NOL4L: variants seen among roughly 807,000 people sequenced by gnomAD.
The protein encoded by NOL4L is nucleolar protein 4-like.
A neutral mutation model predicts 64.5 loss-of-function variants in NOL4L; 7 were observed. The ratio of observed to expected loss-of-function variants is 0.11; its 90% CI spans 0.06 to 0.20. The LOEUF is 0.20. Ranked by LOEUF, NOL4L falls within the 10% of genes least tolerant of loss-of-function variation. The pLI is 1.00. For synonymous variants in NOL4L, 413 were observed against 401.0 expected (o/e 1.03, Z -0.36); for missense variants, 680 against 967.1 (o/e 0.70, Z 3.94).
At chr20:32,475,931 G>T (rs961141753) in intron 4 of NOL4L, among the ~76,000 whole-genome samples, 2 of 152,298 alleles carry the variant, frequency 1.3e-5, no homozygotes, top group Non-Finnish European at 2.9e-5. Flanking sequence ...GGCTGGTAGG[G>T]AGTTTCCTGG....
intron 4 of NOL4L, 121 bp downstream of exon 4, chr20:32,511,226 A>G: frequency 1.5e-6 from 1 of 647,796 alleles, no homozygotes; most frequent in Non-Finnish European, 2.7e-6. Context: ...TAACCAGATA[A>G]GGGCCTCTTT....
At chr20:32,515,469 G>C (rs2017611584) in intron 3 of NOL4L, among the ~76,000 whole-genome samples, 1 of 152,254 alleles carries the variant, frequency 6.6e-6, no homozygotes, top group Non-Finnish European at 1.5e-5. Context: ...GAGGAGAAAA[G>C]CAGGCAAGCT....
Position 32,453,198 on chromosome 20 carries a change from G to A in NOL4L, c.1497+106C>T, listed in dbSNP as rs2013111435. 2.7e-6 allele frequency: 4 copies of A among 1,454,822 alleles called. No individual in the cohort carries two copies. The highest frequency in any genetic ancestry group is 2.1e-5 in the Admixed American group (1 of 47,388). 90.1% of individuals were successfully genotyped at this position (1,454,822 alleles called of 1,614,324 possible). A position where few individuals can be genotyped will look rare whatever the true frequency, so the allele number is the denominator to read the frequency against. Reference sequence around the variant, plus strand: ...CAGGGATTATGGTACTTGCTTCCAGGGCTCCTGGGAAGACCCTGGGTGAAG... The same window carrying A: ...CAGGGATTATGGTACTTGCTTCCAGAGCTCCTGGGAAGACCCTGGGTGAAG... On this transcript the variant is annotated intron_variant, in intron 8 of 10. Coordinates refer to ENST00000621426, the MANE Select transcript of NOL4L (RefSeq NM_001256798.2). This position sits in a 1 kb window ranked among gnomAD's most constrained non-coding sequence, Gnocchi z 5.6.
In NOL4L at chr20:32,454,000, A is replaced by C. The variant is rs569129699; in HGVS notation, c.1120-239T>G. On this transcript the variant is annotated intron_variant, in intron 6 of 10. Transcript: ENST00000621426. The surrounding 1 kb of genome is among the most constrained non-coding windows in gnomAD (Gnocchi z 5.6). ...TGCCGCAGGGAGGACCGACTGCAATAGTGTATGCAGAGACCTGGTTCCCGG... is the reference window on the plus strand; with the variant it reads ...TGCCGCAGGGAGGACCGACTGCAATCGTGTATGCAGAGACCTGGTTCCCGG... 1 of 542,528 alleles carries C rather than the reference A, an allele frequency of 1.8e-6. No individual in the cohort carries two copies. Among genetic ancestry groups the C allele is most frequent in the Non-Finnish European group, 3.3e-6 (1 of 300,654 alleles). The allele number at this position is 542,528 out of a possible 1,614,324, so 33.6% of individuals were successfully genotyped here. A position where few individuals can be genotyped will look rare whatever the true frequency, so the allele number is the denominator to read the frequency against.
intron 4 of NOL4L, among the ~76,000 whole-genome samples, chr20:32,498,474 C>T (rs1021324737): frequency 5.3e-5 from 8 of 151,768 alleles, no homozygotes; most frequent in African/African-American, 1.9e-4. Flanking sequence ...TAGAAATGCC[C>T]TATTTTCACA....
chr20:32,505,185 C>T (rs1472697173), intron 4 of NOL4L, among the ~76,000 whole-genome samples: 2 of 152,170 alleles, frequency 1.3e-5, no homozygotes, highest in African/African-American at 4.8e-5. Context: ...CTCACAGTAA[C>T]CCATTAACAC....
intron 1 of NOL4L, among the ~76,000 whole-genome samples, chr20:32,556,873 C>T (rs531258847): frequency 3.3e-5 from 5 of 152,358 alleles, no homozygotes; most frequent in South Asian, 2.1e-4. Context: ...CCTCGCCACA[C>T]GGCCACCTTG....
At chr20:32,576,112 C>G (rs6119267) in intron 1 of NOL4L, among the ~76,000 whole-genome samples, 78,265 of 152,098 alleles carry the variant, frequency 0.51, 24,315 homozygotes, top group East Asian at 0.94. Context: ...CTGGGAAGGC[C>G]TTGGCTCTTG....
At chr20:32,577,700 C>T (rs1442638037) in intron 1 of NOL4L, among the ~76,000 whole-genome samples, 1 of 152,300 alleles carries the variant, frequency 6.6e-6, no homozygotes, top group African/African-American at 2.4e-5. Flanking sequence ...AAAGAAAAAG[C>T]CTTCTCTGTT....
intron 5 of NOL4L, among the ~76,000 whole-genome samples, chr20:32,471,548 G>A (rs934325928): frequency 6.6e-6 from 1 of 152,226 alleles, no homozygotes; most frequent in Non-Finnish European, 1.5e-5. Flanking sequence ...ATCCACAGCT[G>A]TAGATCTGTG....
intron 4 of NOL4L, among the ~76,000 whole-genome samples, chr20:32,499,738 CAAA>C (rs10692885): frequency 7.8e-5 from 4 of 51,330 alleles, no homozygotes; most frequent in Admixed American, 4.1e-4. Context: ...GACCTTGTCT[CAAA>C]AAAAAAAAAA....
At chr20:32,560,085 T>G (rs941860146) in intron 1 of NOL4L, among the ~76,000 whole-genome samples, 7 of 152,172 alleles carry the variant, frequency 4.6e-5, no homozygotes, top group African/African-American at 1.4e-4. Context: ...AGCTGGAGGA[T>G]GGGGGGCAGG....
Position 32,584,603 on chromosome 20 carries a change from G to A in NOL4L, c.288C>T (p.Gly96=). ...TCTTGACCGGCACATACACCACTTG[G>A]CCCATCTTGGGTTCCCGGCCGCTGC... ...RLGSGREPKM[G]QVVYVPVKTG... Residue 96 remains glycine (G), a synonymous_variant, in exon 1 of 11, where the codon GGC becomes GGT. Transcript: ENST00000621426. 6.5e-7 allele frequency: 1 copy of A among 1,533,226 alleles called. No homozygotes were observed. Among genetic ancestry groups the A allele is most frequent in the Non-Finnish European group, 8.8e-7 (1 of 1,137,906 alleles). 95.0% of individuals were successfully genotyped at this position (1,533,226 alleles called of 1,614,324 possible). A position where few individuals can be genotyped will look rare whatever the true frequency, so the allele number is the denominator to read the frequency against.
chr20:32,548,928 T>TC, intron 1 of NOL4L: 1 of 374,862 alleles, frequency 2.7e-6, no homozygotes, highest in Non-Finnish European at 5.3e-6. Context: ...TCTAACATAC[T>TC]TATGCACTGA....
chr20:32,455,888 T>C (rs1458215214), intron 6 of NOL4L, among the ~76,000 whole-genome samples: 1 of 151,978 alleles, frequency 6.6e-6, no homozygotes, highest in East Asian at 1.9e-4. Context: ...GGCCGTCAGC[T>C]CCACTTCACA....
At position 32,464,860 on chromosome 20, in the gene NOL4L, A is replaced by T; in HGVS notation, c.842-8465T>A. On this transcript the variant is annotated intron_variant, in intron 5 of 10. Transcript: ENST00000621426. The surrounding 1 kb of genome is among the most constrained non-coding windows in gnomAD (Gnocchi z 5.6). ...AACAAATAATTGATACCGTGTTATC[A>T]GAGCTGAGATATTTCACCTTCTTCT... is the stretch of plus-strand genomic sequence containing the variant. The T allele has an allele frequency of 2.4e-6, 1 of 419,920 alleles. No homozygotes were observed. The allele number at this position is 419,920 out of a possible 1,614,324, so 26.0% of individuals were successfully genotyped here.
At chr20:32,455,170 G>A (rs1000263422) in intron 6 of NOL4L, among the ~76,000 whole-genome samples, 1 of 152,232 alleles carries the variant, frequency 6.6e-6, no homozygotes, top group African/African-American at 2.4e-5. Flanking sequence ...TGGCGTTCCT[G>A]CTCTCATCTC....
Position 32,464,744 on chromosome 20 carries a change from C to T in NOL4L, c.842-8349G>A, listed in dbSNP as rs2014397691. The T allele has an allele frequency of 2.1e-5, 7 of 331,160 alleles. No individual in the cohort carries two copies. Among genetic ancestry groups the T allele is most frequent in the Non-Finnish European group, 3.3e-5 (6 of 184,234 alleles). The allele number at this position is 331,160 out of a possible 1,614,324, so 20.5% of individuals were successfully genotyped here. On this transcript the variant is annotated intron_variant, in intron 5 of 10. Coordinates refer to ENST00000621426, the MANE Select transcript of NOL4L (RefSeq NM_001256798.2). The surrounding 1 kb of genome is among the most constrained non-coding windows in gnomAD (Gnocchi z 5.6). Reference sequence around the variant, plus strand: ...CATGAGGGATTTGAGTGCCCTAGTACCCACATTTTAAAAAGTAATAAAGAA... The same window carrying T: ...CATGAGGGATTTGAGTGCCCTAGTATCCACATTTTAAAAAGTAATAAAGAA...
In NOL4L at chr20:32,536,372, G is replaced by A. The variant is rs2018523506; in HGVS notation, c.322-8459C>T. ...CCAGGTGCGGGCCCCACCCAGGGCCGGGGGAAGAGGTGGGGCTGGAGGGGG... is the reference window on the plus strand; with the variant it reads ...CCAGGTGCGGGCCCCACCCAGGGCCAGGGGAAGAGGTGGGGCTGGAGGGGG... On this transcript the variant is annotated intron_variant, in intron 1 of 10. Coordinates refer to ENST00000621426, the MANE Select transcript of NOL4L (RefSeq NM_001256798.2). 1.2e-5 allele frequency: 11 copies of A among 941,614 alleles called. No homozygotes were observed. The South Asian group carries it at 1.5e-4, about 13-fold the overall frequency. The allele number at this position is 941,614 out of a possible 1,614,324, so 58.3% of individuals were successfully genotyped here. A position where few individuals can be genotyped will look rare whatever the true frequency, so the allele number is the denominator to read the frequency against.
Sources: gnomAD v4.1 joint callset for allele counts (sites outside exome capture counted in the v4.1 genomes callset) on GRCh38, gnomAD v4.1.1 for gene constraint, Gnocchi (gnomAD v3.1) non-coding constraint, MANE v1.5 for transcripts, NCBI Gene and HGNC (gene_info 2026-07-23, HGNC 2026-07-21) for gene names.